Variants in CYP2C8 observed in about 807,000 individuals in gnomAD.
CYP2C8 encodes cytochrome P450 2C8.
CYP2C8 carries 51 observed loss-of-function variants against 41.3 expected under a neutral mutation model. That is an observed-to-expected ratio of 1.24 (90% CI 0.99 to 1.56). The LOEUF is 1.56. Among genes scored for constraint, CYP2C8 ranks in the 40% most tolerant of loss-of-function variants. CYP2C8 has a pLI of 0.00. For missense variants in CYP2C8, 651 were observed against 579.9 expected (o/e 1.12, Z -1.26); for synonymous variants, 218 against 205.8 (o/e 1.06, Z -0.51).
intron 4 of CYP2C8, among the ~76,000 whole-genome samples, chr10:95,059,150 T>C (rs1453967186): frequency 2.0e-5 from 3 of 152,192 alleles, no homozygotes. Flanking sequence ...ATCCTTAGGG[T>C]ATATACCCAG....
At chr10:95,068,519 C>T (rs960433126) in intron 1 of CYP2C8, 1 of 1,081,594 alleles carries the variant, frequency 9.2e-7, no homozygotes, top group Non-Finnish European at 1.2e-6. Flanking sequence ...GTTCAATTTT[C>T]ATGACCATTC....
chr10:95,036,865 G>A lies in CYP2C8; in HGVS notation c.*263C>T. 1 of 483,212 alleles carries A rather than the reference G, an allele frequency of 2.1e-6. No homozygotes were observed. The highest frequency in any genetic ancestry group is 3.8e-6 in the Non-Finnish European group (1 of 265,204). 29.9% of individuals were successfully genotyped at this position (483,212 alleles called of 1,614,324 possible). ...ATTAATCACTTTTCTGTGTTTTACA[G>A]TGATAACATATTAAAAAGTCAGCAT... On this transcript the variant is annotated 3_prime_UTR_variant, in exon 9 of 9. Transcript: ENST00000371270.
At chr10:95,067,794 T>C in intron 1 of CYP2C8, 103 bp from the exon 2 acceptor site, 1 of 1,206,984 alleles carries the variant, frequency 8.3e-7, no homozygotes, top group Non-Finnish European at 1.2e-6. Flanking sequence ...AATGTTCATA[T>C]TTGCCACACA....
Position 95,045,892 on chromosome 10 carries a change from A to G in CYP2C8, c.879T>C (p.Asp293=), listed in dbSNP as rs912806569. 1.2e-6 allele frequency: 2 copies of G among 1,613,952 alleles called. No homozygotes were observed. The highest frequency in any genetic ancestry group is 2.2e-5 in the East Asian group (1 of 44,892). The part of the protein sequence containing the change: ...NIENLVGTVA[D]LFVAGTETTS... ...TTGTCTCTGTTCCAGCAACAAATAG[A>G]TCAGCTACAGTGCCAACCAAGTTTT... The change falls in exon 6 of 9, where the codon GAT becomes GAC. Residue 293 remains aspartate, a synonymous_variant. Transcript: ENST00000371270.
chr10:95,038,714 G>A (rs1370977873), intron 8 of CYP2C8, among the ~76,000 whole-genome samples, 183 bp downstream of exon 8: 3 of 152,154 alleles, frequency 2.0e-5, no homozygotes, highest in East Asian at 1.9e-4. Flanking sequence ...TGCAAGCCCC[G>A]CTATCTGGCC....
intron 1 of CYP2C8, chr10:95,068,448 T>C: frequency 6.4e-6 from 3 of 468,778 alleles, no homozygotes; most frequent in East Asian, 1.4e-4. Flanking sequence ...CATGCACTTA[T>C]GTTTGCCCTG....
At chr10:95,064,090 G>A (rs2033502270) in intron 4 of CYP2C8, among the ~76,000 whole-genome samples, 2 of 152,182 alleles carry the variant, frequency 1.3e-5, no homozygotes. Context: ...ACCCACTTGA[G>A]GAGACCGTCT....
At chr10:95,042,350 G>A (rs1323447857) in intron 7 of CYP2C8, among the ~76,000 whole-genome samples, 1 of 151,850 alleles carries the variant, frequency 6.6e-6, no homozygotes, top group African/African-American at 2.4e-5. Flanking sequence ...TTAGATATAA[G>A]GTCATCAGAA....
intron 5 of CYP2C8, among the ~76,000 whole-genome samples, chr10:95,049,185 A>T (rs11572138): frequency 2.2e-4 from 34 of 152,294 alleles, no homozygotes; most frequent in Middle Eastern, 3.4e-3. Flanking sequence ...TCAAAAGAAG[A>T]TATACAAATG....
intron 4 of CYP2C8, among the ~76,000 whole-genome samples, chr10:95,064,481 C>T (rs1034179336): frequency 3.9e-5 from 6 of 152,106 alleles, no homozygotes; most frequent in Non-Finnish European, 8.8e-5. Flanking sequence ...ACTAGAAAAG[C>T]ACAGTATTAG....
chr10:95,039,119 A>G, intron 7 of CYP2C8, 81 bp from the exon 8 acceptor site: 4 of 1,296,208 alleles, frequency 3.1e-6, no homozygotes, highest in Non-Finnish European at 4.5e-6. Context: ...GTAGCGCCAT[A>G]ACGTTGATCT....
intron 5 of CYP2C8, among the ~76,000 whole-genome samples, chr10:95,053,146 C>T (rs1346897268): frequency 3.9e-5 from 6 of 152,000 alleles, no homozygotes; most frequent in Admixed American, 2.0e-4. Context: ...ATTCCTACAG[C>T]GAACAATTTA....
intron 4 of CYP2C8, among the ~76,000 whole-genome samples, chr10:95,063,285 G>A (rs113376608): frequency 0.01 from 1,564 of 152,294 alleles, 15 homozygotes; most frequent in Non-Finnish European, 0.018. Flanking sequence ...CCAATCAGAC[G>A]TAGATTTGGT....
At chr10:95,041,039 A>G (rs1183737327) in intron 7 of CYP2C8, 4 of 453,958 alleles carry the variant, frequency 8.8e-6, no homozygotes, top group Non-Finnish European at 1.8e-5. Context: ...AATAAGTAAC[A>G]GAACAAATCC....
At chr10:95,043,371 A>C (rs2033046583) in intron 6 of CYP2C8, among the ~76,000 whole-genome samples, 1 of 152,034 alleles carries the variant, frequency 6.6e-6, no homozygotes, top group Non-Finnish European at 1.5e-5. Context: ...ATAAGTCAAT[A>C]AATTACAGTG....
chr10:95,068,866 C>G (rs1313145611), intron 1 of CYP2C8, among the ~76,000 whole-genome samples: 1 of 152,140 alleles, frequency 6.6e-6, no homozygotes, highest in African/African-American at 2.4e-5. Context: ...TGAGACCATT[C>G]TGGCTAACAC....
At chr10:95,064,742 A>C (rs2033521567) in intron 4 of CYP2C8, 58 bp downstream of exon 4, 16 of 1,538,238 alleles carry the variant, frequency 1.0e-5, no homozygotes, top group African/African-American at 1.4e-5. Context: ...TTTTAAACCA[A>C]GTCTTCCCTA....
At chr10:95,050,079 C>G (rs1439326659) in intron 5 of CYP2C8, among the ~76,000 whole-genome samples, 1 of 151,908 alleles carries the variant, frequency 6.6e-6, no homozygotes, top group Non-Finnish European at 1.5e-5. Context: ...GGTAGAGCAC[C>G]AAGTGCACTC....
At chr10:95,058,542 A>T (rs762233824) in intron 4 of CYP2C8, 31 bp from the exon 5 acceptor site, 2 of 1,548,130 alleles carry the variant, frequency 1.3e-6, no homozygotes, top group South Asian at 1.2e-5. Flanking sequence ...AAATATAAAC[A>T]TGTCATAAGA....
Sources: gnomAD v4.1 joint callset for allele counts (sites outside exome capture counted in the v4.1 genomes callset) on GRCh38, gnomAD v4.1.1 for gene constraint, MANE v1.5 for transcripts, NCBI Gene and HGNC (gene_info 2026-07-23, HGNC 2026-07-21) for gene names.